Variants in RBBP8 observed in about 807,000 individuals in gnomAD.
RBBP8 encodes the protein DNA endonuclease RBBP8.
Under a neutral mutation model 108.3 loss-of-function variants are expected in RBBP8, and 88 were observed. The observed-to-expected ratio is 0.81, with a 90% confidence interval of 0.68 to 0.97. The LOEUF (loss-of-function observed/expected upper bound fraction) is 0.97, where lower values mean the gene tolerates loss of function less well. RBBP8 is among the 50% of genes least tolerant of loss of function. The pLI is 0.00. For missense variants in RBBP8, 1,023 were observed against 1,049.0 expected (o/e 0.98, Z 0.34); for synonymous variants, 332 against 348.2 (o/e 0.95, Z 0.52).
intron 12 of RBBP8, 89 bp from the exon 13 acceptor site, chr18:22,996,285 T>G (rs2045855942): frequency 3.9e-6 from 6 of 1,551,244 alleles, no homozygotes; most frequent in Non-Finnish European, 5.2e-6. Context: ...TTGCAAAAAT[T>G]TTCTATTCTT....
At chr18:22,960,659 A>G (rs1216128964) in intron 4 of RBBP8, among the ~76,000 whole-genome samples, 1 of 152,106 alleles carries the variant, frequency 6.6e-6, no homozygotes, top group Non-Finnish European at 1.5e-5. Context: ...GCAGTAGTGC[A>G]ATAATAGCTC....
At chr18:23,021,216 C>T (rs1472743214) in intron 17 of RBBP8, among the ~76,000 whole-genome samples, 2 of 152,112 alleles carry the variant, frequency 1.3e-5, no homozygotes, top group Admixed American at 6.6e-5. Flanking sequence ...TCGAGACCAG[C>T]CTGGCCAACA....
intron 2 of RBBP8, among the ~76,000 whole-genome samples, chr18:22,916,708 A>C (rs112574535): frequency 5.9e-5 from 9 of 152,084 alleles, no homozygotes; most frequent in South Asian, 2.1e-4. Context: ...TTCAAACCCC[A>C]ATCTCTTAAT....
At chr18:22,990,264 G>T (rs969503408) in intron 9 of RBBP8, among the ~76,000 whole-genome samples, 1 of 152,280 alleles carries the variant, frequency 6.6e-6, no homozygotes, top group Admixed American at 6.5e-5. Flanking sequence ...GTTTGGTAGA[G>T]ATGCAGAATC....
intron 15 of RBBP8, among the ~76,000 whole-genome samples, chr18:23,005,171 A>G (rs866018243): frequency 2.6e-5 from 4 of 152,048 alleles, no homozygotes; most frequent in Non-Finnish European, 2.9e-5. Flanking sequence ...TCAAGAAAAC[A>G]AAGAAAAATA....
At chr18:23,007,009 G>A (rs142834928) in intron 16 of RBBP8, among the ~76,000 whole-genome samples, 1,696 of 150,552 alleles carry the variant, frequency 0.011, 32 homozygotes, top group African/African-American at 0.039. Flanking sequence ...GTGCATGTGT[G>A]TGTGTGTATT....
chr18:22,949,905 T>C, intron 4 of RBBP8, 192 bp downstream of exon 4: 1 of 549,606 alleles, frequency 1.8e-6, no homozygotes, highest in Non-Finnish European at 3.2e-6. Flanking sequence ...ATCACATCAG[T>C]TTACCCTTTA....
chr18:22,997,040 T>G (rs1184313673), intron 13 of RBBP8, among the ~76,000 whole-genome samples: 1 of 152,218 alleles, frequency 6.6e-6, no homozygotes, highest in Non-Finnish European at 1.5e-5. Flanking sequence ...TCTTATATAA[T>G]TTTATCATTC....
rs767742972 is a variant in RBBP8 at position 22,993,420 on chromosome 18, C to A, written c.1593C>A (p.Gly531=). 6.2e-7 allele frequency: 1 copy of A among 1,614,180 alleles called. No individual in the cohort carries two copies. The highest frequency in any genetic ancestry group is 1.7e-5 in the Admixed American group (1 of 60,016). The change falls in exon 11 of 19, where the codon GGC becomes GGA. Residue 531 remains glycine (G), a synonymous_variant. Coordinates refer to ENST00000327155, the MANE Select transcript of RBBP8 (RefSeq NM_002894.3). ...AGGCTTTGAAGACCATTCCAAAGGGCTTTTCCTCAAGCCGTAAGGCCTCAG... is the reference window on the plus strand; with the variant it reads ...AGGCTTTGAAGACCATTCCAAAGGGATTTTCCTCAAGCCGTAAGGCCTCAG... The part of the protein sequence containing the change: ...LYEALKTIPK[G]FSSSRKASDG...
At chr18:22,966,447 T>A (rs1913590952) in intron 4 of RBBP8, among the ~76,000 whole-genome samples, 1 of 152,188 alleles carries the variant, frequency 6.6e-6, no homozygotes, top group East Asian at 1.9e-4. Flanking sequence ...GTATAAAATG[T>A]CTGGGTTCTG....
chr18:22,975,437 T>G (rs1008264998), intron 6 of RBBP8, among the ~76,000 whole-genome samples: 3 of 152,094 alleles, frequency 2.0e-5, no homozygotes, highest in African/African-American at 7.2e-5. Flanking sequence ...AATTAAAACA[T>G]TTTAATTTTT....
chr18:23,024,563 A>T (rs1331521167), intron 18 of RBBP8: 24 of 152,212 alleles, frequency 1.6e-4, no homozygotes, highest in Admixed American at 1.2e-3. Context: ...TTACAGACTA[A>T]GTCTTACCTT....
chr18:22,993,785 C>T lies in RBBP8; in HGVS notation c.1877C>T (p.Ala626Val), dbSNP rs755353100. The change falls in exon 12 of 19, where the codon GCA becomes GTA. Residue 626 changes from alanine to valine, a missense_variant. Coordinates refer to ENST00000327155, the MANE Select transcript of RBBP8 (RefSeq NM_002894.3). The stretch of plus-strand genomic sequence containing the variant: ...TCAGACCATGGAGGATGTGAACTTG[C>T]ATCAGTTCTTCAGTTAAATCCATGT... Reference protein sequence around the residue: ...TRSDHGGCELASVLQLNPCRT... With the variant: ...TRSDHGGCELVSVLQLNPCRT... 6.2e-7 allele frequency: 1 copy of T among 1,613,804 alleles called. No homozygotes were observed.
chr18:22,984,856 G>A (rs1915209014), intron 7 of RBBP8, 30 bp from the exon 8 acceptor site: 1 of 1,263,346 alleles, frequency 7.9e-7, no homozygotes, highest in East Asian at 2.4e-5. Flanking sequence ...ATTGTTTATT[G>A]TGTAATCTCT....
At chr18:22,922,716 T>C (rs565827705) in intron 3 of RBBP8, among the ~76,000 whole-genome samples, 3 of 152,260 alleles carry the variant, frequency 2.0e-5, no homozygotes, top group East Asian at 1.9e-4. Context: ...CCGCCTGCCT[T>C]GACCTCCCAC....
At chr18:22,928,038 G>A (rs1248472792) in intron 3 of RBBP8, among the ~76,000 whole-genome samples, 2 of 151,952 alleles carry the variant, frequency 1.3e-5, no homozygotes, top group African/African-American at 2.4e-5. Flanking sequence ...GCAAAACTCC[G>A]TCTCTACTAA....
At chr18:22,973,978 T>G (rs1914317372) in intron 5 of RBBP8, among the ~76,000 whole-genome samples, 1 of 152,210 alleles carries the variant, frequency 6.6e-6, no homozygotes, top group Non-Finnish European at 1.5e-5. Context: ...ATATCTTAAT[T>G]TTTTTGGATC....
upstream of RBBP8, among the ~76,000 whole-genome samples, chr18:22,933,069 C>G (rs1317460211): frequency 6.6e-6 from 1 of 152,238 alleles, no homozygotes; most frequent in South Asian, 2.1e-4. Flanking sequence ...ACACAGTGTA[C>G]AGATAACTTT....
At chr18:22,917,235 T>C (rs1909396877) in intron 3 of RBBP8, among the ~76,000 whole-genome samples, 1 of 152,220 alleles carries the variant, frequency 6.6e-6, no homozygotes, top group Non-Finnish European at 1.5e-5. Flanking sequence ...TCATTTTAGT[T>C]CAGTCCAAGT....
Sources: allele counts gnomAD v4.1 joint callset (sites outside exome capture counted in the v4.1 genomes callset), GRCh38; gene constraint gnomAD v4.1.1; transcripts MANE v1.5; gene names NCBI Gene and HGNC (gene_info 2026-07-23, HGNC 2026-07-21).